The following APBA2 variants were observed in gnomAD, a reference collection of about 807,000 sequenced individuals.
APBA2 encodes the protein amyloid beta precursor protein binding family A member 2.
A neutral mutation model predicts 75.0 loss-of-function variants in APBA2; 30 were observed. The observed-to-expected ratio is 0.40, with a 90% confidence interval of 0.30 to 0.54. The LOEUF is 0.54. Among genes scored for constraint, APBA2 ranks in the 20% least tolerant of loss-of-function variants. The pLI is 0.49. For missense variants in APBA2, 801 were observed against 1,016.1 expected (o/e 0.79, Z 2.88); for synonymous variants, 444 against 409.6 (o/e 1.08, Z -1.01).
intron 3 of APBA2, among the ~76,000 whole-genome samples, chr15:29,011,756 T>A (rs1168085376): frequency 6.6e-6 from 1 of 152,242 alleles, no homozygotes; most frequent in African/African-American, 2.4e-5. Context: ...CTAATAGACA[T>A]AAATTTCATA....
rs150891491 is a variant in APBA2 at position 29,101,683 on chromosome 15, A to G, written c.1423A>G (p.Met475Val). The G allele has an allele frequency of 1.2e-3, 1,901 of 1,613,686 alleles. 3 individuals are homozygous for G. Among genetic ancestry groups the G allele is most frequent in the Non-Finnish European group, 1.4e-3 (1,701 of 1,180,026 alleles). Reference protein sequence around the residue: ...NIVVLMARRRMPRSASQDCIE... With the variant: ...NIVVLMARRRVPRSASQDCIE... The stretch of plus-strand genomic sequence containing the variant: ...TGTAGTGCTGATGGCCAGACGCCGC[A>G]TGCCCCGGTCAGCCTCTCAGGACTG... Residue 475 changes from methionine to valine, a missense_variant, in exon 10 of 15, where the codon ATG becomes GTG. Physicochemically the swap from Met to Val is conservative, Grantham distance 21. Transcript: ENST00000683413.
intron 6 of APBA2, among the ~76,000 whole-genome samples, chr15:29,082,678 A>G (rs2043134705): frequency 6.6e-6 from 1 of 152,136 alleles, no homozygotes; most frequent in Non-Finnish European, 1.5e-5. Context: ...TAAACATGTC[A>G]TTTAGTCAAA....
intron 3 of APBA2, among the ~76,000 whole-genome samples, chr15:29,034,771 C>G (rs75698661): frequency 6.6e-6 from 1 of 152,180 alleles, no homozygotes; most frequent in African/African-American, 2.4e-5. Flanking sequence ...AACATGCAGA[C>G]TTCAGGGTCC....
At chr15:28,911,790 T>G (rs1032482590) in intron 1 of APBA2, among the ~76,000 whole-genome samples, 1 of 152,194 alleles carries the variant, frequency 6.6e-6, no homozygotes, top group Non-Finnish European at 1.5e-5. Context: ...ACAGTTTCAG[T>G]GCAGATTATA....
At chr15:28,908,182 T>C (rs1284759613) in intron 1 of APBA2, among the ~76,000 whole-genome samples, 2 of 152,162 alleles carry the variant, frequency 1.3e-5, no homozygotes, top group African/African-American at 4.8e-5. Flanking sequence ...GCATGCTCCT[T>C]ACAGTTCAAA....
At chr15:28,960,444 T>C (rs60679101) in intron 2 of APBA2, among the ~76,000 whole-genome samples, 50,470 of 150,380 alleles carry the variant, frequency 0.34, 15,245 homozygotes, top group African/African-American at 0.8. Flanking sequence ...GTCTGGGTGA[T>C]AAAGCAAGAC....
intron 3 of APBA2, among the ~76,000 whole-genome samples, chr15:29,010,501 G>A (rs761446238): frequency 5.9e-5 from 9 of 152,018 alleles, no homozygotes; most frequent in Non-Finnish European, 8.8e-5. Context: ...CTCGTGATCC[G>A]CCCAACTCGG....
chr15:29,064,880 G>A (rs1157815291), intron 4 of APBA2, among the ~76,000 whole-genome samples: 1 of 152,150 alleles, frequency 6.6e-6, no homozygotes, highest in South Asian at 2.1e-4. Flanking sequence ...TGTTGGCGGG[G>A]TCCCCTGAGC....
chr15:28,937,191 G>T (rs1290036635), intron 2 of APBA2, among the ~76,000 whole-genome samples: 2 of 151,876 alleles, frequency 1.3e-5, no homozygotes, highest in African/African-American at 4.8e-5. Flanking sequence ...TGCCAGGAGG[G>T]GCACCAGAAG....
At chr15:28,920,977 T>C (rs961465003) in intron 1 of APBA2, among the ~76,000 whole-genome samples, 6 of 152,166 alleles carry the variant, frequency 3.9e-5, no homozygotes, top group African/African-American at 1.4e-4. Flanking sequence ...GGCTGAGCGC[T>C]GATGGCCACC....
intron 1 of APBA2, among the ~76,000 whole-genome samples, chr15:28,904,746 A>G (rs1245585850): frequency 1.3e-5 from 2 of 152,246 alleles, no homozygotes; most frequent in African/African-American, 4.8e-5. Context: ...TGCAGCACGC[A>G]GACTCCCTGT....
intron 6 of APBA2, among the ~76,000 whole-genome samples, chr15:29,076,694 C>G (rs117687705): frequency 6.6e-6 from 1 of 152,058 alleles, no homozygotes; most frequent in African/African-American, 2.4e-5. Flanking sequence ...AGAGCTTGTT[C>G]GGCAGGATTT....
chr15:28,895,747 T>C (rs1358065445), intron 1 of APBA2: 2 of 152,402 alleles, frequency 1.3e-5, no homozygotes, highest in Admixed American at 6.5e-5. Flanking sequence ...CGCTGGATGC[T>C]GGCTGAGGCT....
chr15:29,081,575 G>A (rs2043084541), intron 6 of APBA2, among the ~76,000 whole-genome samples: 1 of 152,190 alleles, frequency 6.6e-6, no homozygotes, highest in Non-Finnish European at 1.5e-5. Flanking sequence ...TAGTCCTTCT[G>A]TATAGTGGAA....
chr15:29,027,322 C>T (rs1270072268), intron 3 of APBA2, among the ~76,000 whole-genome samples: 1 of 152,060 alleles, frequency 6.6e-6, no homozygotes, highest in Non-Finnish European at 1.5e-5. Context: ...TCTTCTATAG[C>T]TATTCAGTTT....
intron 4 of APBA2, among the ~76,000 whole-genome samples, chr15:29,065,050 A>G (rs1294573677): frequency 1.3e-5 from 2 of 152,072 alleles, no homozygotes; most frequent in African/African-American, 2.4e-5. Flanking sequence ...TATGTGAGAT[A>G]TTGACTTGCA....
At chr15:29,071,577 G>A (rs541104337) in intron 4 of APBA2, among the ~76,000 whole-genome samples, 1 of 148,260 alleles carries the variant, frequency 6.7e-6, no homozygotes, top group African/African-American at 2.5e-5. Flanking sequence ...GGGCATAACA[G>A]GATTTAAATA....
intron 2 of APBA2, among the ~76,000 whole-genome samples, chr15:28,956,205 C>G (rs1311370809): frequency 1.3e-5 from 2 of 152,198 alleles, no homozygotes; most frequent in East Asian, 3.9e-4. Context: ...CCTAGCCCTC[C>G]CAGCCCTCTG....
At chr15:29,037,988 T>C (rs932448030) in intron 3 of APBA2, among the ~76,000 whole-genome samples, 1 of 152,178 alleles carries the variant, frequency 6.6e-6, no homozygotes, top group African/African-American at 2.4e-5. Flanking sequence ...AATTTCCACA[T>C]GAGTATTGGC....
Sources: allele counts gnomAD v4.1 joint callset (sites outside exome capture counted in the v4.1 genomes callset), GRCh38; gene constraint gnomAD v4.1.1; transcripts MANE v1.5; gene names NCBI Gene and HGNC (gene_info 2026-07-23, HGNC 2026-07-21).